ALCAM: variants seen among roughly 807,000 people sequenced by gnomAD.
ALCAM encodes activated leukocyte cell adhesion molecule, also known as CD166 antigen.
In ALCAM, 30 loss-of-function variants were observed where a neutral mutation model predicts 70.9. The observed-to-expected ratio is 0.42, with a 90% CI of 0.32 to 0.57. The LOEUF is 0.57. Ranked by LOEUF, ALCAM falls within the 20% of genes least tolerant of loss-of-function variation. The pLI, the probability that ALCAM is intolerant of heterozygous loss-of-function variation, is 0.11. For missense variants in ALCAM, 591 were observed against 695.1 expected (o/e 0.85, Z 1.68); for synonymous variants, 249 against 242.5 (o/e 1.03, Z -0.25).
chr3:105,459,928 A>G (rs547268592), intron 1 of ALCAM, among the ~76,000 whole-genome samples: 2 of 152,206 alleles, frequency 1.3e-5, no homozygotes, highest in South Asian at 4.1e-4. Flanking sequence ...GGAAAGCTGT[A>G]TAATGCAGTA....
intron 3 of ALCAM, chr3:105,525,310 A>C: frequency 1.0e-6 from 1 of 981,416 alleles, no homozygotes; most frequent in Non-Finnish European, 1.2e-6. Context: ...CATATAGTTA[A>C]TGTTACTGTG....
chr3:105,435,765 G>A (rs1379653946), intron 1 of ALCAM, among the ~76,000 whole-genome samples: 1 of 152,054 alleles, frequency 6.6e-6, no homozygotes, highest in Non-Finnish European at 1.5e-5. Context: ...CCAAACCTGG[G>A]AAGAAAAAGA....
At chr3:105,571,369 T>A (rs1404776203) in intron 14 of ALCAM, among the ~76,000 whole-genome samples, 19 of 152,198 alleles carry the variant, frequency 1.2e-4, no homozygotes, top group Admixed American at 1.2e-3. Flanking sequence ...AATAATCTGG[T>A]TGTTGTTGTA....
At chr3:105,398,538 A>G (rs1437480152) in intron 1 of ALCAM, among the ~76,000 whole-genome samples, 1 of 152,110 alleles carries the variant, frequency 6.6e-6, no homozygotes, top group Non-Finnish European at 1.5e-5. Context: ...TTTGGTAGCC[A>G]TCCAGTTTTC....
intron 11 of ALCAM, among the ~76,000 whole-genome samples, chr3:105,549,148 T>C (rs1420542245): frequency 3.3e-5 from 5 of 151,502 alleles, no homozygotes; most frequent in African/African-American, 4.8e-5. Context: ...AATGCCATCT[T>C]TCATTGTCAA....
At chr3:105,553,617 T>G (rs1014844027) in intron 14 of ALCAM, among the ~76,000 whole-genome samples, 2 of 151,788 alleles carry the variant, frequency 1.3e-5, no homozygotes, top group Non-Finnish European at 2.9e-5. Flanking sequence ...CCAGTTCCAA[T>G]GAAGCAATAT....
At chr3:105,499,080 T>C (rs959109566) in intron 1 of ALCAM, among the ~76,000 whole-genome samples, 1 of 152,156 alleles carries the variant, frequency 6.6e-6, no homozygotes, top group Non-Finnish European at 1.5e-5. Flanking sequence ...CAAATTACAA[T>C]AGTACAATAT....
Position 105,540,117 on chromosome 3 carries a change from ATTAC to A in ALCAM, c.858+18_858+21del, listed in dbSNP as rs759952514. On this transcript the variant is annotated intron_variant, in intron 7 of 15. Coordinates refer to ENST00000306107, the MANE Select transcript of ALCAM (RefSeq NM_001627.4). ...TTTACTTACCAGTAAGTGCTTAAGTATTACTTCAGTTGGATGACTATCATTTTTC... is the reference window on the plus strand; with the variant it reads ...TTTACTTACCAGTAAGTGCTTAAGTATTCAGTTGGATGACTATCATTTTTC... 1 of 1,607,376 alleles carries A rather than the reference ATTAC, an allele frequency of 6.2e-7. No homozygotes were observed. The highest frequency in any genetic ancestry group is 1.1e-5 in the South Asian group (1 of 90,642).
At chr3:105,429,409 T>A (rs1254616091) in intron 1 of ALCAM, among the ~76,000 whole-genome samples, 2 of 152,000 alleles carry the variant, frequency 1.3e-5, no homozygotes, top group East Asian at 3.9e-4. Context: ...CACAGGCATA[T>A]GAACTAGCTT....
chr3:105,564,030 A>G (rs1336736748), intron 14 of ALCAM, among the ~76,000 whole-genome samples: 1 of 151,854 alleles, frequency 6.6e-6, no homozygotes, highest in East Asian at 1.9e-4. Context: ...CCTACTACAT[A>G]ATCTTTTAGT....
At chr3:105,468,346 T>G (rs1218250583) in intron 1 of ALCAM, among the ~76,000 whole-genome samples, 1 of 151,350 alleles carries the variant, frequency 6.6e-6, no homozygotes, top group Admixed American at 6.6e-5. Flanking sequence ...ATTGGTTGCT[T>G]CAATAGTAAG....
intron 1 of ALCAM, among the ~76,000 whole-genome samples, chr3:105,510,143 G>T (rs149490049): frequency 6.6e-6 from 1 of 152,198 alleles, no homozygotes; most frequent in East Asian, 1.9e-4. Flanking sequence ...TGAGGAAGAA[G>T]ATGGGGGTGG....
chr3:105,469,445 T>C (rs1243039928), intron 1 of ALCAM, among the ~76,000 whole-genome samples: 2 of 151,018 alleles, frequency 1.3e-5, no homozygotes, highest in Non-Finnish European at 3.0e-5. Flanking sequence ...TTTAAACCAG[T>C]GACACCATGA....
At chr3:105,521,115 C>G (rs1939526776) in intron 2 of ALCAM, among the ~76,000 whole-genome samples, 1 of 150,864 alleles carries the variant, frequency 6.6e-6, no homozygotes, top group African/African-American at 2.4e-5. Flanking sequence ...TCCTGGCTAA[C>G]AAGGTGAAAC....
intron 1 of ALCAM, among the ~76,000 whole-genome samples, chr3:105,398,499 T>C (rs988273959): frequency 5.9e-5 from 9 of 152,140 alleles, no homozygotes; most frequent in Non-Finnish European, 1.0e-4. Context: ...CATCACTTTA[T>C]TTTAACATAA....
chr3:105,422,153 G>T (rs1314796234), intron 1 of ALCAM, among the ~76,000 whole-genome samples: 1 of 151,292 alleles, frequency 6.6e-6, no homozygotes. Context: ...CTTCCAAGTT[G>T]CTAGTAAAAA....
chr3:105,463,991 A>G (rs1345095156), intron 1 of ALCAM, among the ~76,000 whole-genome samples: 1 of 151,408 alleles, frequency 6.6e-6, no homozygotes, highest in Non-Finnish European at 1.5e-5. Flanking sequence ...AAAATAAGCT[A>G]ATGAAATATG....
At chr3:105,455,314 C>T (rs1332381329) in intron 1 of ALCAM, among the ~76,000 whole-genome samples, 2 of 151,442 alleles carry the variant, frequency 1.3e-5, no homozygotes, top group South Asian at 2.1e-4. Flanking sequence ...TGGTGGCGGG[C>T]GCCTGTGGTC....
rs139616187 is a variant in ALCAM at position 105,464,580 on chromosome 3, C to T, written c.74-55487C>T. ...CTCTTGAAATAATGTAGTATGTTTT[C>T]TACCATATAGAAAACTATATTTTAT... On this transcript the variant is annotated intron_variant, in intron 1 of 15. Transcript: ENST00000306107. 7.9e-3 allele frequency among the ~76,000 whole-genome samples: 1,195 copies of T among 151,304 alleles called. 18 individuals carry two copies. The highest frequency in any genetic ancestry group is 9.9e-3 in the Non-Finnish European group (668 of 67,492).
Sources: gnomAD v4.1 joint callset for allele counts (sites outside exome capture counted in the v4.1 genomes callset) on GRCh38, gnomAD v4.1.1 for gene constraint, MANE v1.5 for transcripts, NCBI Gene and HGNC (gene_info 2026-07-23, HGNC 2026-07-21) for gene names.